Variants in CARS2 observed in about 807,000 individuals in gnomAD.
CARS2 encodes the protein probable cysteine--tRNA ligase, mitochondrial.
In CARS2, 52 loss-of-function variants were observed where a neutral mutation model predicts 68.8. The observed-to-expected ratio is 0.76, with a 90% confidence interval of 0.61 to 0.95. The LOEUF (loss-of-function observed/expected upper bound fraction) is 0.95, where lower values mean the gene tolerates loss of function less well. Ranked by LOEUF, CARS2 falls within the 40% of genes least tolerant of loss-of-function variation. CARS2 has a pLI of 0.00. For synonymous variants in CARS2, 314 were observed against 303.6 expected, an observed-to-expected ratio of 1.03 and a Z score of -0.36; for missense variants, 780 against 754.2, an observed-to-expected ratio of 1.03 and a Z score of -0.40.
intron 2 of CARS2, among the ~76,000 whole-genome samples, chr13:110,703,202 T>C (rs1350223304): frequency 2.0e-5 from 3 of 152,262 alleles, no homozygotes; most frequent in African/African-American, 7.2e-5. Context: ...AACTGAGTGC[T>C]ACCCATTGCT....
intron 9 of CARS2, among the ~76,000 whole-genome samples, chr13:110,661,261 C>T (rs1456061904): frequency 6.6e-6 from 1 of 152,222 alleles, no homozygotes; most frequent in Non-Finnish European, 1.5e-5. Flanking sequence ...CATCTACATT[C>T]GAAAGATCTG....
In CARS2 at chr13:110,687,704, A is replaced by AG. The variant is rs2139859229; in HGVS notation, c.571+16_571+17insC. The AG allele has an allele frequency of 6.7e-7, 1 of 1,483,250 alleles. No individual in the cohort carries two copies. The highest frequency in any genetic ancestry group is 1.2e-5 in the South Asian group (1 of 81,558). 91.9% of individuals were successfully genotyped at this position (1,483,250 alleles called of 1,614,324 possible). ...AAAAAAAAAAAAAGAAAAAAAAAAA[A>AG]AGAACATAAACCCTACCTTTTGCCG... On this transcript the variant is annotated intron_variant, in intron 5 of 14. Transcript: ENST00000257347.
intron 7 of CARS2, 105 bp from the exon 8 acceptor site, chr13:110,667,578 T>A: frequency 9.9e-7 from 1 of 1,007,050 alleles, no homozygotes; most frequent in Non-Finnish European, 1.4e-6. Context: ...AATGAATAAA[T>A]GGATCTCAGT....
Position 110,702,861 on chromosome 13 carries a change from C to A in CARS2, c.276-1306G>T, listed in dbSNP as rs117525611. On this transcript the variant is annotated intron_variant, in intron 2 of 14. Transcript: ENST00000257347. ...TTCTGTGACTCCACCATGAACCATG[C>A]TACCGTCAGCCCGGCTCTTTCTGCC... is the stretch of plus-strand genomic sequence containing the variant. Among the ~76,000 whole-genome samples the A allele has an allele frequency of 6.2e-3, 944 of 152,364 alleles. 5 individuals carry two copies. Among genetic ancestry groups the A allele is most frequent in the Non-Finnish European group, 0.011 (739 of 68,040 alleles).
intron 1 of CARS2, chr13:110,713,132 C>T: frequency 7.0e-7 from 1 of 1,429,866 alleles, no homozygotes; most frequent in African/African-American, 1.4e-5. Context: ...GGGGGCATTA[C>T]TCACGGTCTC....
chr13:110,688,353 A>G (rs1025836242), intron 3 of CARS2, among the ~76,000 whole-genome samples: 1 of 152,232 alleles, frequency 6.6e-6, no homozygotes, highest in Non-Finnish European at 1.5e-5. Context: ...GGAGGCCAAG[A>G]TGAGTGGATC....
chr13:110,662,004 A>G (rs1389180185), intron 9 of CARS2, among the ~76,000 whole-genome samples: 3 of 152,376 alleles, frequency 2.0e-5, no homozygotes, highest in East Asian at 1.9e-4. Flanking sequence ...TTACCCAAAC[A>G]TGACACACAG....
intron 3 of CARS2, among the ~76,000 whole-genome samples, chr13:110,691,268 G>A (rs1470762718): frequency 4.6e-5 from 7 of 152,098 alleles, no homozygotes; most frequent in Non-Finnish European, 8.8e-5. Context: ...CACCTTCCTC[G>A]GCCTCCTGAA....
intron 6 of CARS2, among the ~76,000 whole-genome samples, chr13:110,679,368 A>AAAATAC (rs1269467921): frequency 1.3e-5 from 2 of 151,616 alleles, no homozygotes; most frequent in Non-Finnish European, 2.9e-5. Flanking sequence ...CGTCTCTACT[A>AAAATAC]AAAATACAAA....
At chr13:110,701,694 A>G in intron 2 of CARS2, 139 bp from the exon 3 acceptor site, 1 of 581,238 alleles carries the variant, frequency 1.7e-6, no homozygotes. Flanking sequence ...AGCAGGTACA[A>G]GGAAACTCCC....
rs370125512 is a variant in CARS2 at position 110,711,804 on chromosome 13, C to G, written n.399+1333G>C. The stretch of plus-strand genomic sequence containing the variant: ...ATTCCAAATACAAAACAGCTTAATT[C>G]AGTCTCTTTGCCGTACTCACATCCA... On this transcript the variant is annotated intron_variant and non_coding_transcript_variant, in intron 1 of 2. Transcript: ENST00000485188. 1.1e-4 allele frequency among the ~76,000 whole-genome samples: 16 copies of G among 152,344 alleles called. No homozygotes were observed. The South Asian group carries it at 2.9e-3, about 28-fold the overall frequency.
exon 1 of CARS2, chr13:110,713,194 A>G (rs1344750158): frequency 2.1e-6 from 3 of 1,424,220 alleles, no homozygotes; most frequent in Non-Finnish European, 2.7e-6. Flanking sequence ...TGGCAAGTAG[A>G]TTGGCTACTG....
At chr13:110,644,337 A>T in intron 13 of CARS2, 48 bp downstream of exon 13, 1 of 1,556,056 alleles carries the variant, frequency 6.4e-7, no homozygotes, top group Non-Finnish European at 8.9e-7. Flanking sequence ...TTATTGTCCC[A>T]ACATGGAGAA....
intron 9 of CARS2, among the ~76,000 whole-genome samples, chr13:110,661,058 C>A (rs2062491635): frequency 6.6e-6 from 1 of 152,162 alleles, no homozygotes. Context: ...CTGCACCCAG[C>A]CGATTTAGGG....
chr13:110,648,242 C>T (rs948144929), intron 10 of CARS2: 3 of 152,126 alleles, frequency 2.0e-5, no homozygotes, highest in African/African-American at 2.4e-5. Flanking sequence ...ACCCACAAAG[C>T]GATCTGACAA....
chr13:110,655,063 C>T (rs1271369439), intron 9 of CARS2, among the ~76,000 whole-genome samples: 1 of 152,098 alleles, frequency 6.6e-6, no homozygotes, highest in African/African-American at 2.4e-5. Flanking sequence ...AAATCACACT[C>T]GTTGATAAAG....
At chr13:110,666,447 T>C (rs7328764) in intron 8 of CARS2, 815,302 of 985,048 alleles carry the variant, frequency 0.83, 338,727 homozygotes, top group East Asian at 0.85. Context: ...GAGGCAGACA[T>C]AGTAGGTAAT....
At chr13:110,663,137 G>C in intron 9 of CARS2, 1 of 525,266 alleles carries the variant, frequency 1.9e-6, no homozygotes. Flanking sequence ...GAAGTCAGCA[G>C]ATGCACCAAG....
At chr13:110,703,814 T>A (rs1566361291) in intron 2 of CARS2, among the ~76,000 whole-genome samples, 1 of 152,248 alleles carries the variant, frequency 6.6e-6, no homozygotes. Flanking sequence ...ACACTGTAAC[T>A]CACCTGAAGC....
Sources: gnomAD v4.1 joint callset for allele counts (sites outside exome capture counted in the v4.1 genomes callset) on GRCh38, gnomAD v4.1.1 for gene constraint, MANE v1.5 for transcripts, NCBI Gene and HGNC (gene_info 2026-07-23, HGNC 2026-07-21) for gene names.